VRK2: variants seen among roughly 807,000 people sequenced by gnomAD.
VRK2 encodes VRK serine/threonine kinase 2.
VRK2 carries 60 observed loss-of-function variants against 57.6 expected under a neutral mutation model. The observed-to-expected ratio is 1.04, with a 90% confidence interval of 0.85 to 1.29. The LOEUF (loss-of-function observed/expected upper bound fraction) is 1.29. Ranked by LOEUF, VRK2 falls within the 50% of genes most tolerant of loss-of-function variation. The probability of loss-of-function intolerance (pLI) is 0.00; values close to 1 mark genes in which losing one functional copy is unlikely to be tolerated. For synonymous variants in VRK2, 231 were observed against 199.2 expected (o/e 1.16, Z -1.35); for missense variants, 705 against 588.1 (o/e 1.20, Z -2.06).
At chr2:58,044,702 T>C (rs191303483), upstream of VRK2, among the ~76,000 whole-genome samples, 71 of 152,334 alleles carry the variant, frequency 4.7e-4, no homozygotes, top group Middle Eastern at 6.8e-3. Context: ...TGGAGCAGTC[T>C]ATACGGATAC....
At chr2:57,932,941 C>T (rs554073644) in intron 1 of VRK2, among the ~76,000 whole-genome samples, 6 of 152,084 alleles carry the variant, frequency 3.9e-5, no homozygotes, top group South Asian at 2.1e-4. Flanking sequence ...CTTTTGTTTT[C>T]GGGAGCATGT....
At chr2:58,078,095 A>C (rs1223585527) in intron 2 of VRK2, among the ~76,000 whole-genome samples, 1 of 152,054 alleles carries the variant, frequency 6.6e-6, no homozygotes, top group Non-Finnish European at 1.5e-5. Flanking sequence ...AGATCTCCAG[A>C]ATGTTCCCAT....
intron 7 of VRK2, among the ~76,000 whole-genome samples, chr2:58,103,140 CA>C (rs1231008788): frequency 6.6e-6 from 1 of 151,030 alleles, no homozygotes; most frequent in Non-Finnish European, 1.5e-5. Context: ...AAAGAAATCA[CA>C]AATTAACCAA....
At chr2:58,090,772 G>A (rs894857066) in intron 7 of VRK2, among the ~76,000 whole-genome samples, 2 of 152,060 alleles carry the variant, frequency 1.3e-5, no homozygotes, top group Non-Finnish European at 2.9e-5. Flanking sequence ...GCTTGTAGTC[G>A]GTTTATTCAT....
chr2:58,088,525 A>G, intron 6 of VRK2, 79 bp downstream of exon 6: 2 of 1,108,932 alleles, frequency 1.8e-6, no homozygotes, highest in Non-Finnish European at 1.4e-6. Flanking sequence ...CCTTTGTGGA[A>G]TTATTAGAGA....
At chr2:57,998,054 C>T (rs1218955882) in intron 1 of VRK2, among the ~76,000 whole-genome samples, 22 of 152,136 alleles carry the variant, frequency 1.4e-4, no homozygotes, top group Admixed American at 1.4e-3. Context: ...CTGGGACATA[C>T]TGGCTACATA....
intron 2 of VRK2, among the ~76,000 whole-genome samples, chr2:58,076,270 T>C (rs1440356087): frequency 1.3e-5 from 2 of 152,010 alleles, no homozygotes; most frequent in African/African-American, 4.8e-5. Flanking sequence ...GTAAGGCATT[T>C]AATACATCTA....
At chr2:58,064,572 G>A (rs1178624536) in intron 2 of VRK2, among the ~76,000 whole-genome samples, 1 of 152,034 alleles carries the variant, frequency 6.6e-6, no homozygotes, top group Admixed American at 6.6e-5. Flanking sequence ...ACTTTTATAT[G>A]TACTGGGCAA....
chr2:58,085,083 C>G, intron 4 of VRK2, 133 bp downstream of exon 4: 1 of 720,090 alleles, frequency 1.4e-6, no homozygotes, highest in Non-Finnish European at 2.2e-6. Context: ...ATACAGTTAA[C>G]TGTTACAACA....
chr2:58,098,395 T>C (rs551674370), intron 7 of VRK2, among the ~76,000 whole-genome samples: 1 of 152,224 alleles, frequency 6.6e-6, no homozygotes, highest in East Asian at 1.9e-4. Context: ...GGCCTTCACA[T>C]TCACTCACCA....
rs147019487 is a variant in VRK2, at chr2:58,137,224, C to CATATATATGATACATATATATCAT, written c.856+2029_856+2030insATATGATACATATATATCATATAT. 2.0e-4 allele frequency among the ~76,000 whole-genome samples: 13 copies of CATATATATGATACATATATATCAT among 65,146 alleles called. 1 individual carries two copies. Among genetic ancestry groups the CATATATATGATACATATATATCAT allele is most frequent in the African/African-American group, 5.0e-4 (6 of 11,940 alleles). The allele number at this position is 65,146 out of a possible 152,430, so 42.7% of individuals were successfully genotyped here. ...TATCTCATATATGATACATATATATCATATGATACATATATATCATATATA... is the reference window on the plus strand; with the variant it reads ...TATCTCATATATGATACATATATATCATATATATGATACATATATATCATATATGATACATATATATCATATATA... On this transcript the variant is annotated intron_variant, in intron 10 of 12. Transcript: ENST00000340157.
At chr2:58,134,649 G>C (rs2104557897) in intron 9 of VRK2, among the ~76,000 whole-genome samples, 1 of 150,038 alleles carries the variant, frequency 6.7e-6, no homozygotes, top group Non-Finnish European at 1.5e-5. Flanking sequence ...AATATGGACA[G>C]GCTTTGCTGG....
chr2:58,057,887 C>T (rs1676764482), intron 2 of VRK2, among the ~76,000 whole-genome samples: 1 of 151,844 alleles, frequency 6.6e-6, no homozygotes, highest in South Asian at 2.1e-4. Flanking sequence ...AAAGAGACAG[C>T]AGTGCTGCAA....
At chr2:58,112,458 G>A (rs1467996893) in intron 7 of VRK2, among the ~76,000 whole-genome samples, 1 of 151,848 alleles carries the variant, frequency 6.6e-6, no homozygotes, top group African/African-American at 2.4e-5. Flanking sequence ...TTTCTCTACT[G>A]AGTTATCTTA....
At chr2:58,148,589 C>T (rs1682516404) in intron 12 of VRK2, among the ~76,000 whole-genome samples, 1 of 151,522 alleles carries the variant, frequency 6.6e-6, no homozygotes, top group Non-Finnish European at 1.5e-5. Context: ...CCTAAGAAAC[C>T]TTTGCCTACC....
chr2:57,929,081 C>T (rs966886496), intron 1 of VRK2, among the ~76,000 whole-genome samples: 2 of 152,200 alleles, frequency 1.3e-5, no homozygotes, highest in South Asian at 4.1e-4. Context: ...TTGCTCAAAG[C>T]CCAAGAGCTC....
intron 1 of VRK2, among the ~76,000 whole-genome samples, chr2:57,920,306 T>C (rs550284616): frequency 2.6e-5 from 4 of 152,234 alleles, no homozygotes; most frequent in East Asian, 3.9e-4. Context: ...TTTGGACTTA[T>C]TATTCTTTAA....
chr2:58,082,349 C>A (rs1671011089), intron 2 of VRK2, among the ~76,000 whole-genome samples: 1 of 151,762 alleles, frequency 6.6e-6, no homozygotes, highest in East Asian at 1.9e-4. Flanking sequence ...CTTTTTAGCT[C>A]ATTACATTCT....
At chr2:58,114,914 G>T (rs1377983492) in intron 7 of VRK2, among the ~76,000 whole-genome samples, 2 of 152,280 alleles carry the variant, frequency 1.3e-5, no homozygotes, top group African/African-American at 4.8e-5. Flanking sequence ...CCTGACTCGG[G>T]ACATGTTGAG....
Sources: allele counts gnomAD v4.1 joint callset (sites outside exome capture counted in the v4.1 genomes callset), GRCh38; gene constraint gnomAD v4.1.1; transcripts MANE v1.5; gene names NCBI Gene and HGNC (gene_info 2026-07-23, HGNC 2026-07-21).